The following ERG variants were observed in gnomAD, a reference collection of about 807,000 sequenced individuals.
ERG encodes ETS transcription factor ERG.
Under a neutral mutation model 55.3 loss-of-function variants are expected in ERG, and 9 were observed. The ratio of observed to expected loss-of-function variants is 0.16; its 90% CI spans 0.10 to 0.28. The LOEUF is 0.28. Among genes scored for constraint, ERG ranks in the 10% least tolerant of loss-of-function variants. The probability of loss-of-function intolerance (pLI) is 1.00; values close to 1 mark genes in which losing one functional copy is unlikely to be tolerated. For missense variants in ERG, 434 were observed against 631.6 expected (o/e 0.69, Z 3.35); for synonymous variants, 223 against 237.3 (o/e 0.94, Z 0.55).
At chr21:38,412,485 C>G (rs1171620133) in intron 3 of ERG, among the ~76,000 whole-genome samples, 1 of 152,126 alleles carries the variant, frequency 6.6e-6, no homozygotes, top group Admixed American at 6.6e-5. Context: ...ATTTTCTACT[C>G]CCTACTTAGG....
intron 2 of ERG, among the ~76,000 whole-genome samples, chr21:38,514,883 T>C (rs1044202052): frequency 6.6e-6 from 1 of 151,988 alleles, no homozygotes; most frequent in African/African-American, 2.4e-5. Context: ...AATTAATAAA[T>C]GAGTTTTAAA....
chr21:38,541,473 C>T (rs1452508929), intron 2 of ERG, among the ~76,000 whole-genome samples: 1 of 152,198 alleles, frequency 6.6e-6, no homozygotes, highest in East Asian at 1.9e-4. Flanking sequence ...TTTTATGCCA[C>T]ACATTGCCAC....
intron 5 of ERG, among the ~76,000 whole-genome samples, chr21:38,402,030 C>T (rs1273599919): frequency 6.6e-6 from 1 of 152,160 alleles, no homozygotes; most frequent in East Asian, 1.9e-4. Context: ...CAAAATGTTA[C>T]AGAAATTCCC....
In ERG at chr21:38,503,540, C is replaced by T. The variant is rs2059436939; in HGVS notation, c.-41+72122G>A. ...GGCTCTATCCAGTCACCGCATGTCT[C>T]GGCATTCGGGAAGCCTATCTCAGTC... is the stretch of plus-strand genomic sequence containing the variant. On this transcript the variant is annotated intron_variant, in intron 2 of 8. Coordinates refer to the ERG transcript ENST00000398897. 1.5e-5 allele frequency among the ~76,000 whole-genome samples: 2 copies of T among 131,274 alleles called. 1 individual carries two copies. The highest frequency in any genetic ancestry group is 5.1e-4 in the South Asian group (2 of 3,886). The allele number at this position is 131,274 out of a possible 152,430, so 86.1% of individuals were successfully genotyped here. A position where few individuals can be genotyped will look rare whatever the true frequency, so the allele number is the denominator to read the frequency against.
At chr21:38,487,028 G>A (rs1027122213) in intron 1 of ERG, among the ~76,000 whole-genome samples, 1 of 152,070 alleles carries the variant, frequency 6.6e-6, no homozygotes, top group African/African-American at 2.4e-5. Flanking sequence ...AGGGACCTGC[G>A]GTCTGGATCT....
Position 38,546,467 on chromosome 21 carries a change from G to A in ERG, c.-41+29195C>T, listed in dbSNP as rs544713438. Among the ~76,000 whole-genome samples, 8 of 152,200 alleles carry A rather than the reference G, an allele frequency of 5.3e-5. No individual in the cohort carries two copies. The East Asian group carries it at 5.8e-4, about 11-fold the overall frequency. On this transcript the variant is annotated intron_variant, in intron 2 of 8. Transcript: ENST00000398897. ...ACAGGCAACACTTACTATGCAATAC[G>A]TTTTCCACAATCACAATATTTCCAC...
chr21:38,411,273 T>C (rs1323900248), intron 3 of ERG, among the ~76,000 whole-genome samples: 1 of 152,228 alleles, frequency 6.6e-6, no homozygotes, highest in Non-Finnish European at 1.5e-5. Context: ...TCTAATTTTA[T>C]TGCACGTTGG....
chr21:38,514,427 C>T (rs1176627473), intron 2 of ERG, among the ~76,000 whole-genome samples: 1 of 151,814 alleles, frequency 6.6e-6, no homozygotes, highest in Admixed American at 6.6e-5. Context: ...TGTGAACAAA[C>T]TGGATTTATT....
At chr21:38,497,927 A>G (rs1002068186) in intron 1 of ERG, among the ~76,000 whole-genome samples, 9 of 152,184 alleles carry the variant, frequency 5.9e-5, no homozygotes, top group Non-Finnish European at 1.0e-4. Flanking sequence ...ACTGCCTGGC[A>G]TCCCTGATGC....
intron 2 of ERG, among the ~76,000 whole-genome samples, chr21:38,517,846 A>C (rs2059563479): frequency 6.6e-6 from 1 of 152,156 alleles, no homozygotes; most frequent in Non-Finnish European, 1.5e-5. Context: ...CAAGTAAAAT[A>C]AGCCAAGCAC....
intron 9 of ERG, among the ~76,000 whole-genome samples, chr21:38,389,165 A>G (rs149639804): frequency 6.6e-6 from 1 of 152,184 alleles, no homozygotes; most frequent in Non-Finnish European, 1.5e-5. Context: ...TTCCCTTCAT[A>G]CTTAGTCAGT....
downstream of ERG, among the ~76,000 whole-genome samples, chr21:38,376,164 T>A (rs1231757957): frequency 2.0e-5 from 3 of 152,298 alleles, no homozygotes; most frequent in East Asian, 1.9e-4. Flanking sequence ...GACCATTGCA[T>A]AGTTCCACTT....
chr21:38,396,504 T>C (rs1248732166), intron 6 of ERG, among the ~76,000 whole-genome samples: 1 of 152,212 alleles, frequency 6.6e-6, no homozygotes, highest in East Asian at 1.9e-4. Flanking sequence ...AAGAAACCCC[T>C]GAAGAGCAGC....
rs762424981 is a variant in ERG at position 38,380,892 on chromosome 21, A to G, written c.*2511T>C. ...ATTATCCAAGTAAATGTGTATTTCT[A>G]TGAAGAATGTAGGTGTGTCTTGACT... is the stretch of plus-strand genomic sequence containing the variant. On this transcript the variant is annotated 3_prime_UTR_variant, in exon 10 of 10. Coordinates refer to ENST00000288319, the MANE Select transcript of ERG (RefSeq NM_182918.4). 2 of 1,065,156 alleles carry G rather than the reference A, an allele frequency of 1.9e-6. No individual in the cohort carries two copies. The highest frequency in any genetic ancestry group is 5.3e-5 in the Admixed American group (1 of 18,736). The allele number at this position is 1,065,156 out of a possible 1,614,324, so 66.0% of individuals were successfully genotyped here. A position where few individuals can be genotyped will look rare whatever the true frequency, so the allele number is the denominator to read the frequency against.
chr21:38,473,025 G>C (rs567319663), intron 1 of ERG, among the ~76,000 whole-genome samples: 26 of 152,304 alleles, frequency 1.7e-4, no homozygotes, highest in African/African-American at 5.5e-4. Context: ...AGGCACTGCG[G>C]GGCAGAACTT....
intron 3 of ERG, among the ~76,000 whole-genome samples, chr21:38,418,270 AGTGTGTGT>A (rs71184622): frequency 7.7e-6 from 1 of 130,336 alleles, no homozygotes; most frequent in African/African-American, 2.7e-5. Flanking sequence ...AACATTTGGA[AGTGTGTGT>A]GTGTGTGTGT....
upstream of ERG, among the ~76,000 whole-genome samples, chr21:38,586,026 T>C (rs933770188): frequency 6.6e-6 from 1 of 151,958 alleles, no homozygotes; most frequent in Non-Finnish European, 1.5e-5. Context: ...AGAAAAGTTA[T>C]CAAAATGGTT....
chr21:38,649,784 C>A lies in ERG; in HGVS notation c.-150+11874G>T, dbSNP rs2060477960. Among the ~76,000 whole-genome samples the A allele has an allele frequency of 2.6e-5, 4 of 152,330 alleles. No homozygotes were observed. In the South Asian group the frequency reaches 8.3e-4, roughly 32 times the overall value. On this transcript the variant is annotated intron_variant, in intron 1 of 10. Transcript: ENST00000398910. ...ACGAAACAAGATTCAACTACAAAAT[C>A]CAACTCATTGCCTACGTTTGAAAGC... is the stretch of plus-strand genomic sequence containing the variant.
chr21:38,406,106 G>GA (rs1402125920), intron 3 of ERG, among the ~76,000 whole-genome samples: 1 of 136,852 alleles, frequency 7.3e-6, no homozygotes, highest in African/African-American at 2.7e-5. Context: ...AGTGAGCCAA[G>GA]ATCAGGCCAC....
Sources: allele counts gnomAD v4.1 joint callset (sites outside exome capture counted in the v4.1 genomes callset), GRCh38; gene constraint gnomAD v4.1.1; transcripts MANE v1.5; gene names NCBI Gene and HGNC (gene_info 2026-07-23, HGNC 2026-07-21).